Variants in SSR1 observed in about 807,000 individuals in gnomAD.
SSR1 encodes signal sequence receptor subunit 1.
Under a neutral mutation model 36.1 loss-of-function variants are expected in SSR1, and 13 were observed. The ratio of observed to expected loss-of-function variants is 0.36; its 90% CI spans 0.23 to 0.57. SSR1 has a LOEUF of 0.57. Ranked by LOEUF, SSR1 falls within the 20% of genes least tolerant of loss-of-function variation. The pLI is 0.81. For synonymous variants in SSR1, 113 were observed against 118.9 expected (o/e 0.95, Z 0.32); for missense variants, 291 against 338.5 (o/e 0.86, Z 1.10).
rs921350193 is a variant in SSR1 at position 7,288,013 on chromosome 6, G to C, written c.*1851C>G. 5.9e-5 allele frequency: 9 copies of C among 152,228 alleles called. No individual in the cohort carries two copies. The highest frequency in any genetic ancestry group is 1.3e-4 in the Non-Finnish European group (9 of 68,032). The allele number at this position is 152,228 out of a possible 1,614,324, so 9.4% of individuals were successfully genotyped here. ...GTGGGAGGGCTGATATGTAAGGCAA[G>C]TTATTTAGGAATGAGGAGGGCTGAC... On this transcript the variant is annotated 3_prime_UTR_variant, in exon 8 of 8. Transcript: ENST00000244763.
intron 4 of SSR1, 77 bp from the exon 5 acceptor site, chr6:7,298,900 G>A: frequency 8.5e-7 from 1 of 1,173,904 alleles, no homozygotes; most frequent in Non-Finnish European, 1.2e-6. Context: ...ACTTAAAACA[G>A]TTACTCTAAC....
Position 7,297,896 on chromosome 6 carries a change from C to T in SSR1, c.699+27G>A, listed in dbSNP as rs1410864766. On this transcript the variant is annotated intron_variant, in intron 6 of 7. Coordinates refer to ENST00000244763, the MANE Select transcript of SSR1 (RefSeq NM_003144.5). ...GTACTTAACAACTTTTGAAACACGGCTGTAAGAGGTGTTCATCCATAATTA... is the reference window on the plus strand; with the variant it reads ...GTACTTAACAACTTTTGAAACACGGTTGTAAGAGGTGTTCATCCATAATTA... The T allele has an allele frequency of 1.9e-6, 3 of 1,587,914 alleles. No individual in the cohort carries two copies. In the South Asian group the frequency reaches 3.3e-5, roughly 18 times the overall value.
At chr6:7,306,881 C>T (rs143291900) in intron 2 of SSR1, among the ~76,000 whole-genome samples, 7,703 of 143,428 alleles carry the variant, frequency 0.054, 297 homozygotes, top group Middle Eastern at 0.12. Context: ...CACGCCACTG[C>T]ACTCCAGCCT....
At chr6:7,295,008 A>G in intron 7 of SSR1, 1 of 1,317,080 alleles carries the variant, frequency 7.6e-7, no homozygotes, top group Non-Finnish European at 1.0e-6. Flanking sequence ...TACTCATTAA[A>G]CTTGACGTAA....
chr6:7,294,840 T>C (rs1757759436), intron 7 of SSR1, among the ~76,000 whole-genome samples: 1 of 152,208 alleles, frequency 6.6e-6, no homozygotes, highest in South Asian at 2.1e-4. Context: ...TGAAGAAACA[T>C]TTCTATATTC....
chr6:7,308,088 C>T (rs1758110047), intron 2 of SSR1, among the ~76,000 whole-genome samples: 1 of 152,150 alleles, frequency 6.6e-6, no homozygotes, highest in Non-Finnish European at 1.5e-5. Context: ...TAAAGCTATT[C>T]ACTTAATGCA....
intron 1 of SSR1, among the ~76,000 whole-genome samples, chr6:7,312,391 G>A (rs1253294304): frequency 6.6e-6 from 1 of 152,158 alleles, no homozygotes; most frequent in Non-Finnish European, 1.5e-5. Context: ...CATCCCACAG[G>A]GATTCTTCAG....
rs1283148412 is a variant in SSR1 at position 7,303,600 on chromosome 6, G to A, written c.230C>T (p.Pro77Leu). 6.2e-7 allele frequency: 1 copy of A among 1,613,288 alleles called. No homozygotes were observed. Among genetic ancestry groups the A allele is most frequent in the African/African-American group, 1.3e-5 (1 of 74,856 alleles). Residue 77 changes from proline to leucine, a missense_variant, in exon 3 of 8, where the codon CCT becomes CTT. Pro to Leu is a moderately conservative substitution (Grantham distance 98). Coordinates refer to ENST00000244763, the MANE Select transcript of SSR1 (RefSeq NM_003144.5). ...TGTATCTGCACTCGGTGAAGCTTCAGGTTCACCAGACACATCTTCTTCCTC... is the reference window on the plus strand; with the variant it reads ...TGTATCTGCACTCGGTGAAGCTTCAAGTTCACCAGACACATCTTCTTCCTC... ...DKEEEDVSGE[P>L]EASPSADTTI...
intron 2 of SSR1, among the ~76,000 whole-genome samples, 189 bp from the exon 3 acceptor site, chr6:7,303,826 A>C (rs534742883): frequency 2.6e-5 from 4 of 152,332 alleles, no homozygotes; most frequent in Admixed American, 2.6e-4. Context: ...TTCTCTACTA[A>C]AAATACAAAA....
At chr6:7,304,546 G>A (rs1452774794) in intron 2 of SSR1, among the ~76,000 whole-genome samples, 1 of 152,072 alleles carries the variant, frequency 6.6e-6, no homozygotes, top group African/African-American at 2.4e-5. Flanking sequence ...AGATCTTCCT[G>A]GGTTGATAGA....
In SSR1 at chr6:7,288,076, A is replaced by C. The variant is rs1757594364; in HGVS notation, c.*1788T>G. ...GTGTGGTTTTGCAGCTGCCTACGTT[A>C]GTACCAGGTATTCCATAAAACTCTG... On this transcript the variant is annotated 3_prime_UTR_variant, in exon 8 of 8. Coordinates refer to ENST00000244763, the MANE Select transcript of SSR1 (RefSeq NM_003144.5). 6.6e-6 allele frequency: 1 copy of C among 152,248 alleles called. No homozygotes were observed. The highest frequency in any genetic ancestry group is 6.5e-5 in the Admixed American group (1 of 15,278). 9.4% of individuals were successfully genotyped at this position (152,248 alleles called of 1,614,324 possible). A position where few individuals can be genotyped will look rare whatever the true frequency, so the allele number is the denominator to read the frequency against.
intron 6 of SSR1, among the ~76,000 whole-genome samples, chr6:7,297,669 G>A (rs925131904): frequency 6.6e-6 from 1 of 152,028 alleles, no homozygotes. Flanking sequence ...AGGCCACAAT[G>A]AGCTAAGATC....
chr6:7,292,178 A>G (rs1190299412), intron 7 of SSR1, among the ~76,000 whole-genome samples: 1 of 152,210 alleles, frequency 6.6e-6, no homozygotes, highest in East Asian at 1.9e-4. Context: ...CAGAACTTTC[A>G]AATGTTTCCT....
chr6:7,290,236 G>A (rs1285114735), intron 7 of SSR1, among the ~76,000 whole-genome samples: 1 of 152,220 alleles, frequency 6.6e-6, no homozygotes, highest in African/African-American at 2.4e-5. Context: ...ACTTAACCAA[G>A]TTTATACATG....
intron 4 of SSR1, among the ~76,000 whole-genome samples, chr6:7,299,706 A>G (rs12213034): frequency 0.18 from 27,815 of 150,584 alleles, 2,865 homozygotes; most frequent in East Asian, 0.48. Flanking sequence ...AAAAAAAAAG[A>G]CAGTGGGCTG....
chr6:7,295,329 T>G, intron 7 of SSR1, 63 bp downstream of exon 7: 1 of 1,336,546 alleles, frequency 7.5e-7, no homozygotes, highest in Non-Finnish European at 1.0e-6. Context: ...TTAAACTAAA[T>G]CTAAGGTATT....
At chr6:7,303,911 C>T (rs1363186643) in intron 2 of SSR1, among the ~76,000 whole-genome samples, 2 of 152,102 alleles carry the variant, frequency 1.3e-5, no homozygotes, top group African/African-American at 4.8e-5. Context: ...CGCTTGAATC[C>T]GGGAGGTAGA....
At position 7,303,138 on chromosome 6, in the gene SSR1, TAAAAAA is replaced by T. The variant is rs35763826; in HGVS notation, c.280+406_280+411del. On this transcript the variant is annotated intron_variant, in intron 3 of 7. Transcript: ENST00000244763. ...TGGGTGACAGAGCGAGACTACATCT[TAAAAAA>T]AAAAAAAAAAAAAAAAAAAAGACAA... Among the ~76,000 whole-genome samples, 186 of 42,920 alleles carry T rather than the reference TAAAAAA, an allele frequency of 4.3e-3. 1 individual carries two copies. The highest frequency in any genetic ancestry group is 0.018 in the African/African-American group (162 of 9,080). 28.2% of individuals were successfully genotyped at this position (42,920 alleles called of 152,430 possible). A position where few individuals can be genotyped will look rare whatever the true frequency, so the allele number is the denominator to read the frequency against.
intron 7 of SSR1, among the ~76,000 whole-genome samples, chr6:7,291,502 C>T (rs1338129333): frequency 6.6e-6 from 1 of 152,166 alleles, no homozygotes; most frequent in East Asian, 1.9e-4. Flanking sequence ...CAGAAAACTG[C>T]TCTCACTACT....
Sources: gnomAD v4.1 joint callset for allele counts (sites outside exome capture counted in the v4.1 genomes callset) on GRCh38, gnomAD v4.1.1 for gene constraint, MANE v1.5 for transcripts, NCBI Gene and HGNC (gene_info 2026-07-23, HGNC 2026-07-21) for gene names.